The following CLSTN2 variants were observed in gnomAD, a reference collection of about 807,000 sequenced individuals.
The protein encoded by CLSTN2 is calsyntenin-2.
In CLSTN2, 48 loss-of-function variants were observed where a neutral mutation model predicts 101.2. The observed-to-expected ratio is 0.47, with a 90% CI of 0.38 to 0.60. CLSTN2 has a LOEUF of 0.60. Among genes scored for constraint, CLSTN2 ranks in the 20% least tolerant of loss-of-function variants. CLSTN2 has a pLI of 0.00. For synonymous variants in CLSTN2, 481 were observed against 463.6 expected, an observed-to-expected ratio of 1.04 and a Z score of -0.48; for missense variants, 1,160 against 1,238.2, an observed-to-expected ratio of 0.94 and a Z score of 0.95.
At chr3:140,500,362 G>T (rs1222007735) in intron 8 of CLSTN2, among the ~76,000 whole-genome samples, 2 of 152,132 alleles carry the variant, frequency 1.3e-5, no homozygotes, top group Non-Finnish European at 1.5e-5. Flanking sequence ...TCAAAATTAG[G>T]AATGCACTCA....
intron 2 of CLSTN2, among the ~76,000 whole-genome samples, chr3:140,214,987 A>G (rs2010903116): frequency 6.6e-6 from 1 of 152,234 alleles, no homozygotes; most frequent in African/African-American, 2.4e-5. Context: ...TGGATTCTGC[A>G]TTATAATGTA....
rs750629124 is a variant in CLSTN2, at chr3:140,562,819, T to G, written c.2221T>G (p.Ser741Ala). 1.2e-6 allele frequency: 2 copies of G among 1,613,892 alleles called. No homozygotes were observed. Among genetic ancestry groups the G allele is most frequent in the Non-Finnish European group, 1.7e-6 (2 of 1,179,986 alleles). ...TAGYSIYGVG[S>A]MSRYEQVLHH... ...GTGGTCTCTTGGCACAGGTGTGGGC[T>G]CCATGAGCCGCTATGAGCAGGTGCT... The change falls in exon 14 of 17, where the codon TCC becomes GCC. Residue 741 changes from serine to alanine, a missense_variant. Physicochemically the swap from Ser to Ala is moderately conservative, Grantham distance 99. Transcript: ENST00000458420.
intron 1 of CLSTN2, among the ~76,000 whole-genome samples, chr3:140,000,783 C>T (rs749992807): frequency 2.0e-5 from 3 of 152,154 alleles, no homozygotes; most frequent in African/African-American, 4.8e-5. Context: ...TATTATCTTT[C>T]CTTTCTCTAG....
chr3:140,418,048 T>A (rs2088450313), intron 4 of CLSTN2, among the ~76,000 whole-genome samples: 1 of 152,268 alleles, frequency 6.6e-6, no homozygotes, highest in African/African-American at 2.4e-5. Context: ...GTCTGCTTAA[T>A]GTTGTACACA....
At chr3:140,131,818 A>G (rs563106710) in intron 1 of CLSTN2, among the ~76,000 whole-genome samples, 1 of 152,076 alleles carries the variant, frequency 6.6e-6, no homozygotes, top group South Asian at 2.1e-4. Context: ...AGGAGAATGG[A>G]TTGGAAGAAA....
At chr3:140,506,893 G>T (rs1362239832) in intron 8 of CLSTN2, 1 of 152,160 alleles carries the variant, frequency 6.6e-6, no homozygotes, top group Non-Finnish European at 1.5e-5. Context: ...ATGATAAATG[G>T]CTATATTGGA....
At chr3:140,145,652 G>T (rs2009770438) in intron 1 of CLSTN2, among the ~76,000 whole-genome samples, 1 of 152,196 alleles carries the variant, frequency 6.6e-6, no homozygotes, top group Non-Finnish European at 1.5e-5. Context: ...TCTGCCCAGG[G>T]CTGCTCCTGC....
chr3:140,547,473 T>TA (rs548170688), intron 10 of CLSTN2, among the ~76,000 whole-genome samples: 2 of 150,184 alleles, frequency 1.3e-5, no homozygotes, highest in African/African-American at 2.5e-5. Flanking sequence ...GACTCCATCT[T>TA]AAAAAAAAGA....
chr3:140,329,727 G>C (rs1305645458), intron 2 of CLSTN2, among the ~76,000 whole-genome samples: 2 of 152,316 alleles, frequency 1.3e-5, no homozygotes, highest in Middle Eastern at 3.4e-3. Context: ...CTGGCTTCCT[G>C]TATTCATGGC....
chr3:140,206,388 G>T (rs2010782916), intron 2 of CLSTN2, among the ~76,000 whole-genome samples: 1 of 152,218 alleles, frequency 6.6e-6, no homozygotes, highest in Non-Finnish European at 1.5e-5. Flanking sequence ...CAAGCCAGAG[G>T]CTAAGGAAGA....
At chr3:140,305,692 C>T (rs2087107344) in intron 2 of CLSTN2, among the ~76,000 whole-genome samples, 1 of 152,068 alleles carries the variant, frequency 6.6e-6, no homozygotes, top group African/African-American at 2.4e-5. Flanking sequence ...CTTAATAGAG[C>T]AATGTGCAGC....
intron 1 of CLSTN2, among the ~76,000 whole-genome samples, chr3:140,064,800 C>T (rs1007873920): frequency 6.6e-6 from 1 of 152,082 alleles, no homozygotes; most frequent in Non-Finnish European, 1.5e-5. Flanking sequence ...AACCAGTAGA[C>T]ATTCTTTTCT....
In CLSTN2 at chr3:140,421,094, T is replaced by G. The variant is rs762157461; in HGVS notation, c.638-31T>G. ...AAGTACAAGTGCAGTTAAATTGACCTGAAATGCTTTTGAACATCTCTGTTC... is the reference window on the plus strand; with the variant it reads ...AAGTACAAGTGCAGTTAAATTGACCGGAAATGCTTTTGAACATCTCTGTTC... On this transcript the variant is annotated intron_variant, in intron 4 of 16. Transcript: ENST00000458420. 99 of 1,606,312 alleles carry G rather than the reference T, an allele frequency of 6.2e-5. No individual in the cohort carries two copies. The South Asian group carries it at 1.1e-3, about 17-fold the overall frequency.
At chr3:140,312,254 C>T (rs2087176264) in intron 2 of CLSTN2, among the ~76,000 whole-genome samples, 1 of 152,208 alleles carries the variant, frequency 6.6e-6, no homozygotes, top group Non-Finnish European at 1.5e-5. Flanking sequence ...CCCAGTTACA[C>T]AAAACTAAGC....
intron 2 of CLSTN2, among the ~76,000 whole-genome samples, chr3:140,329,772 C>G (rs1452782685): frequency 6.6e-6 from 1 of 152,142 alleles, no homozygotes; most frequent in Non-Finnish European, 1.5e-5. Context: ...GGATCTATGG[C>G]CAGGTGCCAC....
chr3:140,199,388 C>T (rs116638924), intron 2 of CLSTN2, among the ~76,000 whole-genome samples: 3,265 of 152,240 alleles, frequency 0.021, 105 homozygotes, highest in African/African-American at 0.073. Context: ...CATTCTTGGG[C>T]TTCACCCCTT....
chr3:140,125,543 G>T (rs1325129669), intron 1 of CLSTN2, among the ~76,000 whole-genome samples: 1 of 152,110 alleles, frequency 6.6e-6, no homozygotes, highest in Non-Finnish European at 1.5e-5. Flanking sequence ...GAAGGATGAG[G>T]TGAAGGTATC....
In CLSTN2 at chr3:140,037,652, G is replaced by A. The variant is rs548765580; in HGVS notation, c.109+102169G>A. Among the ~76,000 whole-genome samples, 4 of 152,022 alleles carry A rather than the reference G, an allele frequency of 2.6e-5. No individual in the cohort carries two copies. The East Asian group carries it at 7.8e-4, about 29-fold the overall frequency. On this transcript the variant is annotated intron_variant, in intron 1 of 16. Transcript: ENST00000458420. ...CTGCACAGATCAACTCATCACCCAG[G>A]TATTAAGCACAGCATCCATTGGCTT...
At chr3:140,297,121 C>G (rs900552319) in intron 2 of CLSTN2, among the ~76,000 whole-genome samples, 2 of 152,212 alleles carry the variant, frequency 1.3e-5, no homozygotes, top group African/African-American at 4.8e-5. Context: ...CTTCTGGCTA[C>G]TTTTTTTGAC....
Sources: allele counts gnomAD v4.1 joint callset (sites outside exome capture counted in the v4.1 genomes callset), GRCh38; gene constraint gnomAD v4.1.1; transcripts MANE v1.5; gene names NCBI Gene and HGNC (gene_info 2026-07-23, HGNC 2026-07-21).